ESRRG: variants seen among roughly 807,000 people sequenced by gnomAD.
ESRRG encodes estrogen related receptor gamma.
Under a neutral mutation model 44.0 loss-of-function variants are expected in ESRRG, and 13 were observed. The observed-to-expected ratio is 0.30, with a 90% CI of 0.19 to 0.47. The LOEUF (loss-of-function observed/expected upper bound fraction) is 0.47, where lower values mean the gene tolerates loss of function less well. ESRRG is among the 20% of genes least tolerant of loss of function. The pLI is 1.00. For synonymous variants in ESRRG, 215 were observed against 214.6 expected (o/e 1.00, Z -0.02); for missense variants, 395 against 580.6 (o/e 0.68, Z 3.29).
chr1:217,026,949 A>AGAGAGAGAGAGAGAGAGAG (rs55861005), intron 1 of ESRRG, among the ~76,000 whole-genome samples: 6 of 146,730 alleles, frequency 4.1e-5, no homozygotes, highest in Admixed American at 6.9e-5. Flanking sequence ...AGAGAGAGAG[A>AGAGAGAGAGAGAGAGAGAG]AAGCCCAGTC....
intron 1 of ESRRG, among the ~76,000 whole-genome samples, chr1:217,132,192 A>T (rs954124930): frequency 2.0e-5 from 3 of 152,156 alleles, no homozygotes; most frequent in Non-Finnish European, 4.4e-5. Flanking sequence ...GGGAGGTCTC[A>T]CTGTGTTGCT....
intron 2 of ESRRG, among the ~76,000 whole-genome samples, chr1:216,786,589 A>T (rs916937976): frequency 6.6e-6 from 1 of 152,188 alleles, no homozygotes; most frequent in Admixed American, 6.6e-5. Flanking sequence ...AAGCATCAAT[A>T]AAGCCACATA....
At chr1:216,633,287 T>C (rs1028958414) in intron 3 of ESRRG, among the ~76,000 whole-genome samples, 1 of 152,116 alleles carries the variant, frequency 6.6e-6, no homozygotes, top group Non-Finnish European at 1.5e-5. Flanking sequence ...GGAGACAGCA[T>C]GAGCAAGGTG....
At chr1:216,730,970 T>A (rs2088654066) in intron 2 of ESRRG, among the ~76,000 whole-genome samples, 1 of 152,186 alleles carries the variant, frequency 6.6e-6, no homozygotes, top group Non-Finnish European at 1.5e-5. Flanking sequence ...TAAATATTCA[T>A]ATTGACTAAG....
intron 2 of ESRRG, among the ~76,000 whole-genome samples, chr1:216,782,386 T>A (rs1185377703): frequency 6.6e-6 from 1 of 152,046 alleles, no homozygotes; most frequent in East Asian, 1.9e-4. Flanking sequence ...TCCCTGTATA[T>A]ATTAATATCT....
chr1:216,926,133 G>A (rs1039736375), intron 2 of ESRRG, among the ~76,000 whole-genome samples: 1 of 152,206 alleles, frequency 6.6e-6, no homozygotes, highest in South Asian at 2.1e-4. Context: ...AGACTTGCCA[G>A]ACCCAAAGGA....
At chr1:216,540,243 T>C (rs985141495) in intron 5 of ESRRG, among the ~76,000 whole-genome samples, 5 of 152,026 alleles carry the variant, frequency 3.3e-5, no homozygotes, top group African/African-American at 1.2e-4. Flanking sequence ...CAGAAATTCA[T>C]ATATGATAAA....
chr1:216,615,922 G>A (rs1423225614), intron 3 of ESRRG, among the ~76,000 whole-genome samples: 1 of 152,002 alleles, frequency 6.6e-6, no homozygotes, highest in Non-Finnish European at 1.5e-5. Context: ...CCGACCTCAG[G>A]AGATCTGCCC....
chr1:216,782,189 C>G (rs1467723326), intron 2 of ESRRG, among the ~76,000 whole-genome samples: 2 of 152,102 alleles, frequency 1.3e-5, no homozygotes, highest in Non-Finnish European at 2.9e-5. Flanking sequence ...AAGCAACACA[C>G]AAGAGCTCTT....
intron 1 of ESRRG, among the ~76,000 whole-genome samples, chr1:216,709,303 A>G (rs60801991): frequency 0.02 from 2,930 of 149,354 alleles, 92 homozygotes; most frequent in African/African-American, 0.068. Context: ...ATGTGTATGT[A>G]CATGTGTGTA....
chr1:216,900,188 G>A (rs776576554), intron 2 of ESRRG, among the ~76,000 whole-genome samples: 2 of 152,140 alleles, frequency 1.3e-5, no homozygotes, highest in Non-Finnish European at 2.9e-5. Context: ...ATAAGTGTTT[G>A]TTGCACTTAA....
intron 3 of ESRRG, among the ~76,000 whole-genome samples, chr1:216,616,427 T>C (rs995215518): frequency 6.6e-6 from 1 of 152,192 alleles, no homozygotes; most frequent in Non-Finnish European, 1.5e-5. Flanking sequence ...AAAACAAGCG[T>C]GTCTGATTAA....
At chr1:216,855,267 T>A (rs546078237) in intron 2 of ESRRG, 16 of 152,260 alleles carry the variant, frequency 1.1e-4, no homozygotes, top group East Asian at 3.9e-4. Flanking sequence ...CAAAGCCATG[T>A]TCCTGGCAAC....
At chr1:217,026,204 G>C (rs562306391) in intron 1 of ESRRG, among the ~76,000 whole-genome samples, 2 of 152,218 alleles carry the variant, frequency 1.3e-5, no homozygotes, top group Non-Finnish European at 2.9e-5. Flanking sequence ...CCTGTCACCT[G>C]TGTGACGGCC....
intron 1 of ESRRG, among the ~76,000 whole-genome samples, chr1:217,069,330 G>GCGGGA (rs2090236669): frequency 6.6e-6 from 1 of 151,968 alleles, no homozygotes; most frequent in African/African-American, 2.4e-5. Context: ...ATAGCCTATT[G>GCGGGA]CGGGACCTTG....
intron 2 of ESRRG, among the ~76,000 whole-genome samples, chr1:216,921,017 A>G (rs1364563679): frequency 6.6e-6 from 1 of 152,170 alleles, no homozygotes; most frequent in African/African-American, 2.4e-5. Flanking sequence ...CAACTTAAAG[A>G]TTTCCCTAAG....
intron 1 of ESRRG, among the ~76,000 whole-genome samples, chr1:216,991,335 C>T (rs1281156495): frequency 6.6e-6 from 1 of 152,118 alleles, no homozygotes; most frequent in Non-Finnish European, 1.5e-5. Flanking sequence ...AGGATTTTTC[C>T]TGTCCTCAGC....
chr1:216,770,248 A>T (rs2093325815), intron 2 of ESRRG, among the ~76,000 whole-genome samples: 1 of 152,106 alleles, frequency 6.6e-6, no homozygotes, highest in Non-Finnish European at 1.5e-5. Flanking sequence ...GGGGAAAAAA[A>T]TAGGACTGAT....
chr1:216,772,794 C>T (rs1230387903), intron 2 of ESRRG, among the ~76,000 whole-genome samples: 3 of 151,566 alleles, frequency 2.0e-5, no homozygotes, highest in African/African-American at 7.3e-5. Context: ...TGTCAGATTA[C>T]CCAAAGAGAG....
Sources: gnomAD v4.1 joint callset for allele counts (sites outside exome capture counted in the v4.1 genomes callset) on GRCh38, gnomAD v4.1.1 for gene constraint, MANE v1.5 for transcripts, NCBI Gene and HGNC (gene_info 2026-07-23, HGNC 2026-07-21) for gene names.